Variants in RAI2 observed in about 807,000 individuals in gnomAD.
RAI2 encodes the protein retinoic acid-induced protein 2.
Under a neutral mutation model 15.3 loss-of-function variants are expected in RAI2, and 5 were observed. The ratio of observed to expected loss-of-function variants is 0.33; its 90% confidence interval spans 0.17 to 0.69. The LOEUF (loss-of-function observed/expected upper bound fraction) is 0.69. RAI2 is among the 30% of genes least tolerant of loss of function. The pLI, the probability that RAI2 is intolerant of heterozygous loss-of-function variation, is 0.69. For missense variants in RAI2, 424 were observed against 424.7 expected, an observed-to-expected ratio of 1.00 and a Z score of 0.01; for synonymous variants, 191 against 184.0, an observed-to-expected ratio of 1.04 and a Z score of -0.31.
intron 1 of RAI2, among the ~76,000 whole-genome samples, chrX:17,812,268 C>T (rs1601907055): frequency 9.0e-6 from 1 of 111,356 alleles, no homozygotes; most frequent in South Asian, 3.8e-4. Context: ...TTTATTCATT[C>T]GCAACCCTGT....
At chrX:17,852,666 T>C (rs1424904087) in intron 1 of RAI2, among the ~76,000 whole-genome samples, 1 of 112,284 alleles carries the variant, frequency 8.9e-6, no homozygotes, top group African/African-American at 3.2e-5. Flanking sequence ...TTCAAGGGAC[T>C]ACCAGAAAGA....
chrX:17,845,342 A>G (rs2067443726), intron 1 of RAI2, among the ~76,000 whole-genome samples: 1 of 112,463 alleles, frequency 8.9e-6, no homozygotes, highest in South Asian at 3.7e-4. Context: ...CCTGAACTGA[A>G]TTCCTCCTAG....
At chrX:17,860,823 C>G (rs924959707) in intron 1 of RAI2, 24 of 105,654 alleles carry the variant, frequency 2.3e-4, no homozygotes, top group Admixed American at 1.6e-3. Flanking sequence ...CCGGCAGTCC[C>G]CGGCCCCGCC....
chrX:17,823,347 A>G (rs2067189479), intron 1 of RAI2, among the ~76,000 whole-genome samples: 1 of 112,433 alleles, frequency 8.9e-6, no homozygotes, highest in African/African-American at 3.2e-5. Flanking sequence ...TAAATAAATA[A>G]GGCGAGGATT....
intron 1 of RAI2, among the ~76,000 whole-genome samples, chrX:17,806,749 T>G (rs185959551): frequency 9.0e-6 from 1 of 111,415 alleles, no homozygotes; most frequent in African/African-American, 3.3e-5. Flanking sequence ...GAGGTTTAAT[T>G]GGCTCACGGT....
chrX:17,829,277 GAA>G lies in RAI2; in HGVS notation c.-24-27245_-24-27244del, dbSNP rs11479454. Among the ~76,000 whole-genome samples the G allele has an allele frequency of 5.2e-3, 270 of 52,239 alleles. 1 individual carries two copies. The highest frequency in any genetic ancestry group is 0.018 in the African/African-American group (254 of 14,349). 45.4% of individuals were successfully genotyped at this position (52,239 alleles called of 115,157 possible). A position where few individuals can be genotyped will look rare whatever the true frequency, so the allele number is the denominator to read the frequency against. Reference sequence around the variant, plus strand: ...ATGTGATTTCATGGCCATCTGTATGGAAAAAAAAAAAAAAAAAAAAAAGGTCT... The same window carrying G: ...ATGTGATTTCATGGCCATCTGTATGGAAAAAAAAAAAAAAAAAAAAGGTCT... On this transcript the variant is annotated intron_variant, in intron 1 of 1. Coordinates refer to ENST00000451717, the MANE Select transcript of RAI2 (RefSeq NM_021785.6).
At position 17,831,865 on chromosome X, in the gene RAI2, C is replaced by T. The variant is rs746457829; in HGVS notation, c.-25+29233G>A. ...GTTTGCTGCAAATGGCTTTTCTGAG[C>T]AGCCCTAGAACTTTGTGGATATGCT... On this transcript the variant is annotated intron_variant, in intron 1 of 1. Transcript: ENST00000451717. Among the ~76,000 whole-genome samples, 6 of 112,299 alleles carry T rather than the reference C, an allele frequency of 5.3e-5. No individual in the cohort carries two copies. In the South Asian group the frequency reaches 2.2e-3, roughly 42 times the overall value.
At chrX:17,811,789 CT>C (rs1184643555) in intron 1 of RAI2, among the ~76,000 whole-genome samples, 7 of 111,675 alleles carry the variant, frequency 6.3e-5, no homozygotes, top group African/African-American at 2.3e-4. Context: ...CCTGGGCCCC[CT>C]ATGAGAGTGG....
chrX:17,833,870 A>G (rs574910829), intron 1 of RAI2, among the ~76,000 whole-genome samples: 1 of 112,283 alleles, frequency 8.9e-6, no homozygotes, highest in South Asian at 3.7e-4. Flanking sequence ...TGGGGAAAAC[A>G]TTCTTACCTC....
At chrX:17,803,207 G>A (rs1321586649) in intron 1 of RAI2, among the ~76,000 whole-genome samples, 2 of 111,163 alleles carry the variant, frequency 1.8e-5, no homozygotes, top group South Asian at 7.6e-4. Context: ...AAAGAGAGGC[G>A]GCCCAGCACA....
intron 1 of RAI2, among the ~76,000 whole-genome samples, chrX:17,848,090 G>A (rs970092868): frequency 1.8e-5 from 2 of 111,758 alleles, no homozygotes; most frequent in African/African-American, 6.5e-5. Flanking sequence ...CAAACTGAGG[G>A]AAACTTGTGT....
rs754088813 is a variant in RAI2 at position 17,801,076 on chromosome X, C to G, written c.935G>C (p.Ser312Thr). The G allele has an allele frequency of 1.7e-6, 2 of 1,211,926 alleles. No individual in the cohort carries two copies. The highest frequency in any genetic ancestry group is 3.0e-5 in the East Asian group (1 of 33,839). ...LSRHTVIKMG[S>T]ENEALDLSMK... ...GGAGAGATCCAGGGCCTCGTTCTCA[C>G]TTCCCATCTTAATGACCGTGTGGCG... The change falls in exon 2 of 2, where the codon AGT (serine) becomes ACT (threonine). Residue 312 changes from serine (S) to threonine (T), a missense_variant. By Grantham distance (58) the Ser-to-Thr change is moderately conservative. Coordinates refer to ENST00000451717, the MANE Select transcript of RAI2 (RefSeq NM_021785.6).
intron 1 of RAI2, among the ~76,000 whole-genome samples, chrX:17,852,471 CAT>C (rs1020991888): frequency 3.3e-4 from 37 of 112,100 alleles, no homozygotes; most frequent in African/African-American, 1.1e-3. Flanking sequence ...CCCCTGCTCC[CAT>C]ATCACTCTCA....
At chrX:17,828,897 G>C (rs1429685695) in intron 1 of RAI2, among the ~76,000 whole-genome samples, 1 of 111,623 alleles carries the variant, frequency 9.0e-6, no homozygotes, top group Non-Finnish European at 1.9e-5. Context: ...GAGGGTTGGT[G>C]GGGGAGGCCG....
In RAI2 at chrX:17,801,353, G is replaced by A. The variant is rs747125354; in HGVS notation, c.658C>T (p.Pro220Ser). Reference sequence around the variant, plus strand: ...GCTGGTGGGACCAGGGGGGACAAGGGGGAGCTAAAAGGCTGTGGGGGCACA... The same window carrying A: ...GCTGGTGGGACCAGGGGGGACAAGGAGGAGCTAAAAGGCTGTGGGGGCACA... The part of the protein sequence containing the change: ...APVPPQPFSS[P>S]LSPLVPPATL... The change falls in exon 2 of 2, where the codon CCC becomes TCC. Residue 220 changes from proline to serine, a missense_variant. Coordinates refer to ENST00000451717, the MANE Select transcript of RAI2 (RefSeq NM_021785.6). The A allele has an allele frequency of 3.5e-6, 4 of 1,153,606 alleles. No homozygotes were observed. The South Asian group carries it at 6.2e-5, about 18-fold the overall frequency.
At chrX:17,849,641 C>T (rs1433208637) in intron 1 of RAI2, among the ~76,000 whole-genome samples, 1 of 112,514 alleles carries the variant, frequency 8.9e-6, no homozygotes, top group Admixed American at 9.3e-5. Context: ...GAGGATGTTT[C>T]CTAACAGAAT....
chrX:17,810,321 C>G (rs373692887), intron 1 of RAI2, among the ~76,000 whole-genome samples: 1 of 112,111 alleles, frequency 8.9e-6, no homozygotes, highest in Non-Finnish European at 1.9e-5. Flanking sequence ...CAGCATCTAA[C>G]GCCAAAGTAT....
At chrX:17,835,204 C>T (rs1268351624) in intron 1 of RAI2, among the ~76,000 whole-genome samples, 7 of 112,208 alleles carry the variant, frequency 6.2e-5, no homozygotes, top group South Asian at 3.8e-4. Flanking sequence ...ACTTCCCTGA[C>T]CTACTTTTAC....
chrX:17,806,864 G>T (rs1176142780), intron 1 of RAI2, among the ~76,000 whole-genome samples: 2 of 110,448 alleles, frequency 1.8e-5, no homozygotes, highest in South Asian at 7.9e-4. Context: ...GCAAGAGGTG[G>T]GGGGAGGTGC....
Sources: allele counts gnomAD v4.1 joint callset (sites outside exome capture counted in the v4.1 genomes callset), GRCh38; gene constraint gnomAD v4.1.1; transcripts MANE v1.5; gene names NCBI Gene and HGNC (gene_info 2026-07-23, HGNC 2026-07-21).